Variants in THEMIS observed in about 807,000 individuals in gnomAD.
The protein encoded by THEMIS is thymocyte selection associated, also known as protein THEMIS.
A neutral mutation model predicts 52.6 loss-of-function variants in THEMIS; 37 were observed. That is an observed-to-expected ratio of 0.70 (90% CI 0.54 to 0.93). The LOEUF (loss-of-function observed/expected upper bound fraction) is 0.93. THEMIS is among the 40% of genes least tolerant of loss of function. The pLI, the probability that THEMIS is intolerant of heterozygous loss-of-function variation, is 0.00. For synonymous variants in THEMIS, 292 were observed against 272.7 expected (o/e 1.07, Z -0.70); for missense variants, 808 against 763.1 (o/e 1.06, Z -0.69).
upstream of THEMIS, among the ~76,000 whole-genome samples, chr6:127,904,376 C>T (rs189257022): frequency 7.2e-5 from 11 of 152,024 alleles, no homozygotes; most frequent in Admixed American, 3.3e-4. Context: ...GCAGGAGTCA[C>T]AACAAATGCC....
At chr6:127,826,175 G>C (rs780201417) in intron 3 of THEMIS, among the ~76,000 whole-genome samples, 38 of 152,098 alleles carry the variant, frequency 2.5e-4, no homozygotes, top group Non-Finnish European at 4.3e-4. Flanking sequence ...ATATTTAAAG[G>C]CATTACCTCA....
At chr6:127,783,828 C>T (rs1370699973) in intron 4 of THEMIS, among the ~76,000 whole-genome samples, 2 of 152,150 alleles carry the variant, frequency 1.3e-5, no homozygotes, top group East Asian at 1.9e-4. Context: ...GACAGTGTGG[C>T]GATTCCTCAA....
At chr6:127,898,467 A>G (rs1781038065) in intron 1 of THEMIS, among the ~76,000 whole-genome samples, 1 of 151,810 alleles carries the variant, frequency 6.6e-6, no homozygotes. Flanking sequence ...ACTTCAGTTA[A>G]AATAGCTTTT....
chr6:127,854,688 T>C (rs957812958), intron 2 of THEMIS, among the ~76,000 whole-genome samples: 10 of 151,844 alleles, frequency 6.6e-5, no homozygotes, highest in African/African-American at 2.2e-4. Flanking sequence ...GCTTAAATGA[T>C]GTTACTTAGT....
At chr6:127,854,160 C>G (rs1779521792) in intron 2 of THEMIS, among the ~76,000 whole-genome samples, 1 of 151,752 alleles carries the variant, frequency 6.6e-6, no homozygotes, top group Non-Finnish European at 1.5e-5. Context: ...TTTTAGTCTA[C>G]AGCAGAGGTC....
At chr6:127,830,118 T>C (rs1474115667) in intron 2 of THEMIS, among the ~76,000 whole-genome samples, 184 bp from the exon 3 acceptor site, 1 of 152,120 alleles carries the variant, frequency 6.6e-6, no homozygotes, top group Non-Finnish European at 1.5e-5. Context: ...GTATTGCTTA[T>C]AGATCACTAG....
chr6:127,820,544 C>T (rs1275072789), intron 3 of THEMIS, among the ~76,000 whole-genome samples: 1 of 152,038 alleles, frequency 6.6e-6, no homozygotes, highest in African/African-American at 2.4e-5. Flanking sequence ...TGTATAACTA[C>T]TTCAGGAGGA....
intron 1 of THEMIS, among the ~76,000 whole-genome samples, chr6:127,857,148 A>G (rs2114310727): frequency 6.6e-6 from 1 of 152,158 alleles, no homozygotes; most frequent in East Asian, 1.9e-4. Flanking sequence ...TTCCCCCCAG[A>G]AGCATTGTCT....
intron 1 of THEMIS, among the ~76,000 whole-genome samples, chr6:127,889,503 A>G (rs1780740485): frequency 6.6e-6 from 1 of 152,140 alleles, no homozygotes; most frequent in Non-Finnish European, 1.5e-5. Flanking sequence ...CCTTGCAGGG[A>G]TCTCTAAATT....
chr6:127,787,858 G>GAGATAGACAGAT (rs1381285281), intron 4 of THEMIS, among the ~76,000 whole-genome samples: 1 of 130,904 alleles, frequency 7.6e-6, no homozygotes, highest in East Asian at 2.1e-4. Context: ...GATATAGATA[G>GAGATAGACAGAT]ATAGATAGAT....
In THEMIS at chr6:127,885,415, T is replaced by G. The variant is rs78184686; in HGVS notation, c.91+15427A>C. ...GAGTGGTGAGTTATACTCTCCCCAG[T>G]GTTCTCAAACAGTTTATGACAGAGC... On this transcript the variant is annotated intron_variant, in intron 1 of 5. Coordinates refer to ENST00000368248, the MANE Select transcript of THEMIS (RefSeq NM_001010923.3). Among the ~76,000 whole-genome samples the G allele has an allele frequency of 2.4e-4, 37 of 152,240 alleles. No individual in the cohort carries two copies. The East Asian group carries it at 6.8e-3, about 28-fold the overall frequency.
intron 5 of THEMIS, among the ~76,000 whole-genome samples, chr6:127,718,736 A>AT (rs1774257404): frequency 1.3e-5 from 2 of 151,888 alleles, no homozygotes; most frequent in Admixed American, 1.3e-4. Flanking sequence ...AATATGCGTG[A>AT]TTTTCAAAGC....
At chr6:127,887,755 G>A (rs984056249) in intron 1 of THEMIS, among the ~76,000 whole-genome samples, 2 of 152,004 alleles carry the variant, frequency 1.3e-5, no homozygotes. Flanking sequence ...TGATGAAAAT[G>A]GTCTTAAATC....
At chr6:127,886,022 C>T (rs1291061337) in intron 1 of THEMIS, among the ~76,000 whole-genome samples, 1 of 152,048 alleles carries the variant, frequency 6.6e-6, no homozygotes, top group Non-Finnish European at 1.5e-5. Context: ...ACCATTTTGT[C>T]TCTCATATCG....
intron 2 of THEMIS, among the ~76,000 whole-genome samples, chr6:127,840,939 T>G (rs918489969): frequency 1.3e-5 from 2 of 151,990 alleles, no homozygotes; most frequent in Non-Finnish European, 2.9e-5. Flanking sequence ...TACCACGGAT[T>G]AGAGGAGAGA....
intron 1 of THEMIS, among the ~76,000 whole-genome samples, chr6:127,888,088 C>T (rs992644228): frequency 6.6e-6 from 1 of 151,944 alleles, no homozygotes; most frequent in Non-Finnish European, 1.5e-5. Flanking sequence ...AAGAGTTTTC[C>T]AGATGAAAAG....
At chr6:127,905,609 T>C (rs905956844), upstream of THEMIS, among the ~76,000 whole-genome samples, 6 of 152,034 alleles carry the variant, frequency 3.9e-5, no homozygotes, top group Non-Finnish European at 5.9e-5. Context: ...CCCAAAACAA[T>C]AATTAATGGC....
chr6:127,815,990 C>A (rs949745966), intron 3 of THEMIS, among the ~76,000 whole-genome samples: 1 of 152,174 alleles, frequency 6.6e-6, no homozygotes, highest in African/African-American at 2.4e-5. Flanking sequence ...ACCCTACAGG[C>A]CATGTTATCC....
At chr6:127,754,694 A>T (rs1435429008) in intron 4 of THEMIS, among the ~76,000 whole-genome samples, 1 of 152,148 alleles carries the variant, frequency 6.6e-6, no homozygotes, top group Non-Finnish European at 1.5e-5. Context: ...AAATAACCCT[A>T]AGAGTCATGA....
Sources: allele counts gnomAD v4.1 joint callset (sites outside exome capture counted in the v4.1 genomes callset), GRCh38; gene constraint gnomAD v4.1.1; transcripts MANE v1.5; gene names NCBI Gene and HGNC (gene_info 2026-07-23, HGNC 2026-07-21).